SGCZ: variants seen among roughly 807,000 people sequenced by gnomAD.
The protein encoded by SGCZ is zeta-sarcoglycan.
In SGCZ, 40 loss-of-function variants were observed where a neutral mutation model predicts 41.3. That is an observed-to-expected ratio of 0.97 (90% CI 0.75 to 1.26). The LOEUF (loss-of-function observed/expected upper bound fraction) is 1.26. Among genes scored for constraint, SGCZ ranks in the 50% most tolerant of loss-of-function variants. The probability of loss-of-function intolerance (pLI) is 0.00; values close to 1 mark genes in which losing one functional copy is unlikely to be tolerated. For synonymous variants in SGCZ, 206 were observed against 137.5 expected (o/e 1.50, Z -3.49); for missense variants, 552 against 369.8 (o/e 1.49, Z -4.04).
intron 1 of SGCZ, among the ~76,000 whole-genome samples, chr8:14,936,527 C>G (rs1217621276): frequency 6.6e-6 from 1 of 151,852 alleles, no homozygotes; most frequent in African/African-American, 2.4e-5. Flanking sequence ...AACAGTGTCA[C>G]TTTTGCACCA....
At chr8:15,062,792 T>A (rs546728474) in intron 1 of SGCZ, among the ~76,000 whole-genome samples, 9 of 152,302 alleles carry the variant, frequency 5.9e-5, no homozygotes, top group African/African-American at 2.2e-4. Flanking sequence ...TTTTACAGTC[T>A]TACGTATAGT....
At chr8:14,492,947 A>C (rs182285005) in intron 2 of SGCZ, among the ~76,000 whole-genome samples, 1 of 151,930 alleles carries the variant, frequency 6.6e-6, no homozygotes, top group East Asian at 1.9e-4. Flanking sequence ...TCTTGAAATA[A>C]TTTTTCTCTT....
Position 14,439,435 on chromosome 8 carries a change from A to C in SGCZ, c.235-115231T>G, listed in dbSNP as rs957800361. Reference sequence around the variant, plus strand: ...AAGAGTAAACATTCCCCAATTTTATAAATTTAATATTACTCAGATGCCAAA... The same window carrying C: ...AAGAGTAAACATTCCCCAATTTTATCAATTTAATATTACTCAGATGCCAAA... On this transcript the variant is annotated intron_variant, in intron 2 of 7. Coordinates refer to ENST00000382080, the MANE Select transcript of SGCZ (RefSeq NM_139167.4). 6.3e-4 allele frequency among the ~76,000 whole-genome samples: 96 copies of C among 151,634 alleles called. 2 individuals are homozygous for C. Among genetic ancestry groups the C allele is most frequent in the African/African-American group, 2.3e-3 (95 of 41,474 alleles).
At chr8:14,322,533 G>T (rs1746821251) in intron 3 of SGCZ, among the ~76,000 whole-genome samples, 1 of 152,012 alleles carries the variant, frequency 6.6e-6, no homozygotes, top group Non-Finnish European at 1.5e-5. Flanking sequence ...CTGTTGTTAT[G>T]CTCTCAGAAA....
chr8:14,246,858 C>T (rs1323304962), intron 3 of SGCZ, among the ~76,000 whole-genome samples: 3 of 143,738 alleles, frequency 2.1e-5, no homozygotes, highest in East Asian at 2.0e-4. Context: ...TGCAGTGAGC[C>T]GAGATCGCGC....
chr8:14,411,590 A>G (rs539078469), intron 2 of SGCZ, among the ~76,000 whole-genome samples: 1 of 152,172 alleles, frequency 6.6e-6, no homozygotes, highest in South Asian at 2.1e-4. Flanking sequence ...CCAAACCTCT[A>G]GGCTTTCTGA....
rs557204027 is a variant in SGCZ, at chr8:14,534,490, A to T, written c.234+20242T>A. Among the ~76,000 whole-genome samples the T allele has an allele frequency of 5.9e-5, 9 of 152,184 alleles. No homozygotes were observed. The South Asian group carries it at 1.7e-3, about 28-fold the overall frequency. ...TCTTTCCTTTATCCAATCAGTAAGT[A>T]AATATTTGTTGATCATCTAATATAT... On this transcript the variant is annotated intron_variant, in intron 2 of 7. Coordinates refer to ENST00000382080, the MANE Select transcript of SGCZ (RefSeq NM_139167.4).
intron 1 of SGCZ, among the ~76,000 whole-genome samples, chr8:15,066,267 C>T (rs917551084): frequency 6.7e-6 from 1 of 150,206 alleles, no homozygotes; most frequent in Non-Finnish European, 1.5e-5. Flanking sequence ...GAGATTGCGC[C>T]ACTGCAGTCC....
chr8:14,158,076 T>C (rs1248954850), intron 5 of SGCZ, among the ~76,000 whole-genome samples: 1 of 151,666 alleles, frequency 6.6e-6, no homozygotes, highest in African/African-American at 2.4e-5. Flanking sequence ...GTTCCAGCTT[T>C]GGTCCTAAGT....
Position 14,436,184 on chromosome 8 carries a change from T to C in SGCZ, c.235-111980A>G, listed in dbSNP as rs184255633. Among the ~76,000 whole-genome samples, 355 of 152,260 alleles carry C rather than the reference T, an allele frequency of 2.3e-3. 1 individual carries two copies. Among genetic ancestry groups the C allele is most frequent in the African/African-American group, 8.0e-3 (332 of 41,540 alleles). ...TGCCCCGACCTCTTGCCAGTGTTCC[T>C]ATTGGCCAAATCCACTGGAAGCCAA... On this transcript the variant is annotated intron_variant, in intron 2 of 7. Transcript: ENST00000382080.
intron 1 of SGCZ, among the ~76,000 whole-genome samples, chr8:15,145,733 G>A (rs1162833157): frequency 7.9e-5 from 12 of 152,188 alleles, no homozygotes; most frequent in Admixed American, 7.2e-4. Flanking sequence ...GGGACTACAG[G>A]TGTGAGCACC....
intron 4 of SGCZ, among the ~76,000 whole-genome samples, chr8:14,180,327 A>T (rs1020319219): frequency 6.6e-6 from 1 of 152,118 alleles, no homozygotes; most frequent in African/African-American, 2.4e-5. Flanking sequence ...TAGTCCTTCA[A>T]GCACTGCAGG....
At chr8:14,550,613 T>C (rs1027610716) in intron 2 of SGCZ, among the ~76,000 whole-genome samples, 6 of 151,908 alleles carry the variant, frequency 3.9e-5, no homozygotes, top group African/African-American at 1.4e-4. Context: ...AACCCAAAAC[T>C]GTTTTTTCCA....
intron 2 of SGCZ, among the ~76,000 whole-genome samples, chr8:14,456,182 G>A (rs776742494): frequency 6.6e-6 from 1 of 152,136 alleles, no homozygotes; most frequent in Non-Finnish European, 1.5e-5. Context: ...GCTGAGGCAG[G>A]CAAATCACCT....
chr8:14,845,938 G>A (rs532246219), intron 1 of SGCZ, among the ~76,000 whole-genome samples: 332 of 152,200 alleles, frequency 2.2e-3, no homozygotes, highest in Non-Finnish European at 3.6e-3. Flanking sequence ...GACTATTAGC[G>A]GGGATAAAAA....
intron 3 of SGCZ, among the ~76,000 whole-genome samples, chr8:14,259,940 T>G (rs1261864235): frequency 6.6e-6 from 1 of 152,196 alleles, no homozygotes; most frequent in Non-Finnish European, 1.5e-5. Flanking sequence ...TTCCTACCCA[T>G]GAGCATGGAA....
intron 4 of SGCZ, among the ~76,000 whole-genome samples, chr8:14,230,490 A>C (rs936065617): frequency 1.3e-5 from 2 of 152,122 alleles, no homozygotes; most frequent in Non-Finnish European, 2.9e-5. Flanking sequence ...TAATGTACAT[A>C]AGGTCACATA....
chr8:15,188,113 A>G (rs1007564092), intron 1 of SGCZ, among the ~76,000 whole-genome samples: 1 of 152,040 alleles, frequency 6.6e-6, no homozygotes, highest in African/African-American at 2.4e-5. Flanking sequence ...TTTGCAATGG[A>G]TTCAAATACT....
At chr8:14,673,330 C>A (rs563798324) in intron 1 of SGCZ, among the ~76,000 whole-genome samples, 7 of 152,228 alleles carry the variant, frequency 4.6e-5, no homozygotes, top group African/African-American at 1.7e-4. Context: ...GGGGTGGTTT[C>A]CCCCATGCTA....
Sources: allele counts gnomAD v4.1 joint callset (sites outside exome capture counted in the v4.1 genomes callset), GRCh38; gene constraint gnomAD v4.1.1; transcripts MANE v1.5; gene names NCBI Gene and HGNC (gene_info 2026-07-23, HGNC 2026-07-21).